THAP4: variants seen among roughly 807,000 people sequenced by gnomAD.
The protein encoded by THAP4 is peroxynitrite isomerase THAP4.
THAP4 carries 18 observed loss-of-function variants against 48.1 expected under a neutral mutation model. The observed-to-expected ratio is 0.37, with a 90% CI of 0.26 to 0.56. The LOEUF (loss-of-function observed/expected upper bound fraction) is 0.56, where lower values mean the gene tolerates loss of function less well. Ranked by LOEUF, THAP4 falls within the 20% of genes least tolerant of loss-of-function variation. The pLI is 0.78. For missense variants in THAP4, 656 were observed against 774.9 expected, an observed-to-expected ratio of 0.85 and a Z score of 1.82; for synonymous variants, 345 against 324.9, an observed-to-expected ratio of 1.06 and a Z score of -0.66.
chr2:241,633,953 C>T lies in THAP4; in HGVS notation c.204G>A (p.Arg68=). ...TCAGCAGGCGATGCTGGTCCTCCAG[C>T]CTCTTGGAGAAGCTGTCTTTGGTGA... ...EHFTKDSFSK[R]LEDQHRLLKP... is the part of the protein sequence containing the mutation. Residue 68 remains arginine (R), a synonymous_variant, in exon 2 of 6, where the codon AGG becomes AGA. Transcript: ENST00000407315. This position sits in a 1 kb window ranked among gnomAD's most constrained non-coding sequence, Gnocchi z 7.5. The T allele has an allele frequency of 1.2e-6, 2 of 1,614,156 alleles. No homozygotes were observed. Among genetic ancestry groups the T allele is most frequent in the South Asian group, 1.1e-5 (1 of 91,090 alleles).
At chr2:241,634,106 TAGAA>T in intron 1 of THAP4, 27 bp from the exon 2 acceptor site, 2 of 1,470,918 alleles carry the variant, frequency 1.4e-6, no homozygotes, top group Non-Finnish European at 1.8e-6. Context: ...AAAAAGTAAT[TAGAA>T]ATAATTAAAT....
rs763952554 is a variant in THAP4 at position 241,584,633 on chromosome 2, G to A, written c.1707C>T (p.His569=). ...ACGGGGTCACCTTCTTGTAGGTGAC[G>A]TGAAGATGCTGAGTCATTGGCTGTG... is the stretch of plus-strand genomic sequence containing the variant. ...TTTQPMTQHL[H]VTYKKVTP is the part of the protein sequence containing the mutation. Residue 569 remains histidine (H), a synonymous_variant, in exon 6 of 6, where the codon CAC becomes CAT. Coordinates refer to ENST00000407315, the MANE Select transcript of THAP4 (RefSeq NM_015963.6). The A allele has an allele frequency of 1.4e-5, 23 of 1,614,170 alleles. No individual in the cohort carries two copies. Among genetic ancestry groups the A allele is most frequent in the Middle Eastern group, 3.3e-4 (2 of 6,062 alleles).
intron 5 of THAP4, among the ~76,000 whole-genome samples, chr2:241,589,579 C>G (rs1355548795): frequency 6.6e-6 from 1 of 152,050 alleles, no homozygotes; most frequent in Non-Finnish European, 1.5e-5. Flanking sequence ...AAAGGCCAAC[C>G]CTTGGCGAGG....
intron 5 of THAP4, among the ~76,000 whole-genome samples, chr2:241,589,695 G>GA (rs11397853): frequency 0.33 from 50,519 of 151,364 alleles, 8,797 homozygotes; most frequent in South Asian, 0.46. Flanking sequence ...CACCCAAGAG[G>GA]AAAAAAAACA....
chr2:241,620,343 G>C (rs1350910429), intron 2 of THAP4, among the ~76,000 whole-genome samples: 1 of 121,174 alleles, frequency 8.3e-6, no homozygotes, highest in African/African-American at 3.3e-5. Flanking sequence ...GAGTCAGTGA[G>C]TGAGGGGTGA....
intron 4 of THAP4, chr2:241,602,316 G>A: frequency 2.5e-6 from 1 of 392,538 alleles, no homozygotes; most frequent in East Asian, 4.0e-5. Flanking sequence ...AGGTGGGAAT[G>A]GACGTCCAGG....
rs150469896 is a variant in THAP4 at position 241,584,678 on chromosome 2, C to G, written c.1662G>C (p.Thr554=). Residue 554 remains threonine, a synonymous_variant, in exon 6 of 6, where the codon ACG becomes ACC. Transcript: ENST00000407315. ...GCTGTGTCGTGGTTGCCATGGAGACCGTCTGCTCAAGTTTGCCTTCAGAAT... is the reference window on the plus strand; with the variant it reads ...GCTGTGTCGTGGTTGCCATGGAGACGGTCTGCTCAAGTTTGCCTTCAGAAT... The part of the protein sequence containing the change: ...RLNSEGKLEQ[T]VSMATTTQPM... 1 of 1,614,208 alleles carries G rather than the reference C, an allele frequency of 6.2e-7. No individual in the cohort carries two copies. The highest frequency in any genetic ancestry group is 1.1e-5 in the South Asian group (1 of 91,082).
chr2:241,637,237 C>A (rs2067688558), upstream of THAP4: 1 of 1,018,792 alleles, frequency 9.8e-7, no homozygotes, highest in Non-Finnish European at 1.2e-6. Context: ...GTTCGGGCGT[C>A]TTCGGACCAG....
chr2:241,633,525 G>C lies in THAP4; in HGVS notation c.632C>G (p.Thr211Arg), dbSNP rs1308950384. Residue 211 changes from threonine to arginine, a missense_variant, in exon 2 of 6, where the codon ACA (threonine) becomes AGA (arginine). Transcript: ENST00000407315. This position sits in a 1 kb window ranked among gnomAD's most constrained non-coding sequence, Gnocchi z 7.5. ...ATCCATAGAAATGCCACTCTTATCT[G>C]TCACGCCCCCTTCGATGGAGGAAGT... Reference protein sequence around the residue: ...SATSSIEGGVTDKSGISMDDF... With the variant: ...SATSSIEGGVRDKSGISMDDF... 6.2e-7 allele frequency: 1 copy of C among 1,613,994 alleles called. No homozygotes were observed. The highest frequency in any genetic ancestry group is 8.5e-7 in the Non-Finnish European group (1 of 1,180,028).
At chr2:241,586,943 T>C (rs1445411129) in intron 5 of THAP4, among the ~76,000 whole-genome samples, 1 of 152,216 alleles carries the variant, frequency 6.6e-6, no homozygotes, top group Non-Finnish European at 1.5e-5. Flanking sequence ...GAAAAGATCA[T>C]GGCCAATTTT....
chr2:241,632,792 C>T (rs1435481853), intron 2 of THAP4, 125 bp downstream of exon 2: 4 of 720,756 alleles, frequency 5.5e-6, no homozygotes, highest in Non-Finnish European at 8.9e-6. Flanking sequence ...ACGACCAGAG[C>T]TTCCTCCTGA....
Position 241,598,924 on chromosome 2 carries a change from G to GA in THAP4, c.1614+2971dup, listed in dbSNP as rs34049233. 6.1e-3 allele frequency among the ~76,000 whole-genome samples: 892 copies of GA among 146,258 alleles called. 6 individuals carry two copies. The highest frequency in any genetic ancestry group is 0.02 in the African/African-American group (802 of 39,958). ...TTTACCAAGATACGCACCTGCACTGGAAAAAAAAAAAAGTAGAAAAATTTT... is the reference window on the plus strand; with the variant it reads ...TTTACCAAGATACGCACCTGCACTGGAAAAAAAAAAAAAGTAGAAAAATTTT... On this transcript the variant is annotated intron_variant, in intron 5 of 5. Transcript: ENST00000407315.
chr2:241,628,409 G>A (rs2067518856), intron 2 of THAP4, among the ~76,000 whole-genome samples: 1 of 151,614 alleles, frequency 6.6e-6, no homozygotes, highest in Non-Finnish European at 1.5e-5. Flanking sequence ...CAGCACCCAA[G>A]AGCATCTCAA....
intron 5 of THAP4, among the ~76,000 whole-genome samples, chr2:241,592,775 G>A (rs2067001787): frequency 6.6e-6 from 1 of 152,214 alleles, no homozygotes; most frequent in African/African-American, 2.4e-5. Flanking sequence ...CGTGTCTGAC[G>A]CTATGGCCGG....
At chr2:241,620,974 A>T (rs2067423138) in intron 2 of THAP4, among the ~76,000 whole-genome samples, 1 of 152,140 alleles carries the variant, frequency 6.6e-6, no homozygotes, top group South Asian at 2.1e-4. Flanking sequence ...GCAAAAAAAA[A>T]AATCTGAAGA....
upstream of THAP4, chr2:241,637,530 G>C: frequency 6.9e-7 from 1 of 1,443,766 alleles, no homozygotes; most frequent in Non-Finnish European, 9.0e-7. Flanking sequence ...AGGGCGCCCC[G>C]GGGCTCGCGT....
rs541229529 is a variant in THAP4 at position 241,597,229 on chromosome 2, T to C, written c.1614+4667A>G. Among the ~76,000 whole-genome samples, 107 of 152,150 alleles carry C rather than the reference T, an allele frequency of 7.0e-4. 1 individual carries two copies. Among genetic ancestry groups the C allele is most frequent in the African/African-American group, 2.4e-3 (100 of 41,518 alleles). On this transcript the variant is annotated intron_variant, in intron 5 of 5. Coordinates refer to ENST00000407315, the MANE Select transcript of THAP4 (RefSeq NM_015963.6). Reference sequence around the variant, plus strand: ...CACTGCAACCTCCGCTGCCTACCAGTTTCAAGCGATTCTCCTGCTTCAGGC... The same window carrying C: ...CACTGCAACCTCCGCTGCCTACCAGCTTCAAGCGATTCTCCTGCTTCAGGC...
chr2:241,595,049 G>A (rs888722275), intron 5 of THAP4, among the ~76,000 whole-genome samples: 16 of 152,016 alleles, frequency 1.1e-4, no homozygotes, highest in African/African-American at 3.1e-4. Flanking sequence ...AGTCTCGCTC[G>A]GTCGCCAGGC....
intron 5 of THAP4, among the ~76,000 whole-genome samples, chr2:241,586,262 G>GGAA (rs2066895627): frequency 1.2e-5 from 1 of 83,994 alleles, no homozygotes; most frequent in African/African-American, 4.5e-5. Flanking sequence ...ATCTGAAGAG[G>GGAA]AAAAAAAAAA....
Sources: allele counts gnomAD v4.1 joint callset (sites outside exome capture counted in the v4.1 genomes callset), GRCh38; gene constraint gnomAD v4.1.1; non-coding constraint Gnocchi (gnomAD v3.1); transcripts MANE v1.5; gene names NCBI Gene and HGNC (gene_info 2026-07-23, HGNC 2026-07-21).